LINGO2: variants seen among roughly 807,000 people sequenced by gnomAD.
LINGO2 encodes leucine rich repeat and Ig domain containing 2, also known as leucine-rich repeat and immunoglobulin-like domain-containing nogo receptor-interacting protein 2.
A neutral mutation model predicts 30.6 loss-of-function variants in LINGO2; 14 were observed. The observed-to-expected ratio is 0.46, with a 90% CI of 0.30 to 0.72. LINGO2 has a LOEUF of 0.72. Among genes scored for constraint, LINGO2 ranks in the 30% least tolerant of loss-of-function variants. LINGO2 has a pLI of 0.07. For missense variants in LINGO2, 729 were observed against 751.7 expected, an observed-to-expected ratio of 0.97 and a Z score of 0.35; for synonymous variants, 317 against 288.5, an observed-to-expected ratio of 1.10 and a Z score of -1.00.
Position 28,532,228 on chromosome 9 carries a change from A to G in LINGO2, c.-364-56203T>C, listed in dbSNP as rs80092717. Among the ~76,000 whole-genome samples, 385 of 152,294 alleles carry G rather than the reference A, an allele frequency of 2.5e-3. 1 individual carries two copies. The highest frequency in any genetic ancestry group is 8.9e-3 in the African/African-American group (371 of 41,568). ...TTTCAGACAGCTTGGGGGCTGAGAAAAAGCAAGTTGAATAGATTTCTCCTA... is the reference window on the plus strand; with the variant it reads ...TTTCAGACAGCTTGGGGGCTGAGAAGAAGCAAGTTGAATAGATTTCTCCTA... On this transcript the variant is annotated intron_variant, in intron 1 of 5. Coordinates refer to ENST00000379992, the Ensembl canonical transcript of LINGO2.
At chr9:29,007,962 A>T in the LINGO2 span, among the ~76,000 whole-genome samples, 1 of 152,158 alleles carries the variant, frequency 6.6e-6, no homozygotes, top group African/African-American at 2.4e-5. Flanking sequence ...GTTCTAGGGT[A>T]CATGTGCACA....
chr9:29,006,878 T>C, the LINGO2 span, among the ~76,000 whole-genome samples: 3 of 152,090 alleles, frequency 2.0e-5, no homozygotes, highest in Admixed American at 6.6e-5. Flanking sequence ...GATGCCTTAA[T>C]AGCAGCAGCC....
At chr9:29,009,766 C>T in the LINGO2 span, among the ~76,000 whole-genome samples, 3 of 152,140 alleles carry the variant, frequency 2.0e-5, no homozygotes, top group Non-Finnish European at 2.9e-5. Context: ...ATCATGCTAC[C>T]TGACTTCAAA....
At chr9:28,151,843 T>C (rs1828009411) in intron 4 of LINGO2, among the ~76,000 whole-genome samples, 1 of 152,078 alleles carries the variant, frequency 6.6e-6, no homozygotes, top group African/African-American at 2.4e-5. Context: ...AAGTATAAAT[T>C]AATGAAGAAT....
At chr9:28,154,227 CTATT>C (rs1290509436) in intron 4 of LINGO2, among the ~76,000 whole-genome samples, 1 of 152,052 alleles carries the variant, frequency 6.6e-6, no homozygotes, top group Non-Finnish European at 1.5e-5. Context: ...GTATAGCCTG[CTATT>C]TATTACTATG....
intron 2 of LINGO2, among the ~76,000 whole-genome samples, chr9:28,384,872 T>C (rs1407007172): frequency 1.3e-5 from 2 of 152,022 alleles, no homozygotes; most frequent in African/African-American, 4.8e-5. Context: ...TAGCCAGATA[T>C]CACACTCTAG....
At chr9:29,212,017 C>T in the LINGO2 span, among the ~76,000 whole-genome samples, 1 of 152,204 alleles carries the variant, frequency 6.6e-6, no homozygotes, top group Non-Finnish European at 1.5e-5. Flanking sequence ...CTCCCTCCCA[C>T]CCTGAGTATC....
At chr9:29,034,727 T>C in the LINGO2 span, among the ~76,000 whole-genome samples, 4 of 152,312 alleles carry the variant, frequency 2.6e-5, no homozygotes, top group Non-Finnish European at 5.9e-5. Context: ...CATTACTAAG[T>C]TGAGATTATT....
chr9:29,111,733 AGT>A, the LINGO2 span, among the ~76,000 whole-genome samples: 18 of 151,538 alleles, frequency 1.2e-4, no homozygotes, highest in African/African-American at 4.3e-4. Flanking sequence ...ACATCTAATT[AGT>A]GAAGAAGAGA....
At chr9:28,351,073 C>T (rs989553022) in intron 3 of LINGO2, among the ~76,000 whole-genome samples, 42 of 151,898 alleles carry the variant, frequency 2.8e-4, no homozygotes, top group African/African-American at 1.0e-3. Context: ...GGCACCCTAA[C>T]ATCACAATTA....
At chr9:28,741,151 G>A in the LINGO2 span, among the ~76,000 whole-genome samples, 1 of 152,110 alleles carries the variant, frequency 6.6e-6, no homozygotes, top group African/African-American at 2.4e-5. Flanking sequence ...GGAGAGCCTA[G>A]AACTCAGGTC....
the LINGO2 span, among the ~76,000 whole-genome samples, chr9:28,817,641 G>T: frequency 6.6e-6 from 1 of 152,134 alleles, no homozygotes; most frequent in Non-Finnish European, 1.5e-5. Flanking sequence ...GATTGGTCAG[G>T]CTTGGGTTAG....
intron 4 of LINGO2, among the ~76,000 whole-genome samples, chr9:28,059,894 G>C (rs775287039): frequency 2.0e-5 from 3 of 151,840 alleles, no homozygotes; most frequent in Non-Finnish European, 4.4e-5. Context: ...ATAGAAGAAC[G>C]GGGTATGAGA....
the LINGO2 span, among the ~76,000 whole-genome samples, chr9:29,182,703 A>C: frequency 8.9e-5 from 13 of 146,680 alleles, no homozygotes; most frequent in Non-Finnish European, 1.8e-4. Context: ...TTTTTTTTTC[A>C]TTTGTTTCCT....
At chr9:28,384,117 G>T (rs1821471809) in intron 2 of LINGO2, among the ~76,000 whole-genome samples, 1 of 147,530 alleles carries the variant, frequency 6.8e-6, no homozygotes, top group Admixed American at 6.6e-5. Flanking sequence ...TATCATAATA[G>T]TTATTTATTT....
At chr9:29,103,465 C>T in the LINGO2 span, among the ~76,000 whole-genome samples, 1 of 151,970 alleles carries the variant, frequency 6.6e-6, no homozygotes, top group African/African-American at 2.4e-5. Context: ...CCTATAGCAA[C>T]ATAATAATTT....
intron 4 of LINGO2, among the ~76,000 whole-genome samples, chr9:28,127,405 T>C (rs901251298): frequency 1.3e-5 from 2 of 152,210 alleles, no homozygotes; most frequent in African/African-American, 4.8e-5. Context: ...GCCCTCCCAA[T>C]ACTGCATGAA....
intron 4 of LINGO2, among the ~76,000 whole-genome samples, chr9:28,062,790 C>T (rs1034457764): frequency 6.6e-6 from 1 of 150,942 alleles, no homozygotes; most frequent in Non-Finnish European, 1.5e-5. Flanking sequence ...AATATGGTTT[C>T]TTCAGTTTTT....
Position 28,290,224 on chromosome 9 carries a change from A to T in LINGO2, c.-87+4984T>A, listed in dbSNP as rs113135125. On this transcript the variant is annotated intron_variant, in intron 4 of 5. Coordinates refer to ENST00000379992, the Ensembl canonical transcript of LINGO2. ...TTGACTCCCGAATCTGTGATTTAGC[A>T]ACTATTCTAGGCTAATATTTATGTG... Among the ~76,000 whole-genome samples, 1,245 of 152,332 alleles carry T rather than the reference A, an allele frequency of 8.2e-3. 23 individuals carry two copies. The highest frequency in any genetic ancestry group is 0.028 in the African/African-American group (1,182 of 41,572).
Sources: gnomAD v4.1 joint callset for allele counts (sites outside exome capture counted in the v4.1 genomes callset) on GRCh38, gnomAD v4.1.1 for gene constraint, MANE v1.5 for transcripts, NCBI Gene and HGNC (gene_info 2026-07-23, HGNC 2026-07-21) for gene names.